HPSE2: variants seen among roughly 807,000 people sequenced by gnomAD.
The protein encoded by HPSE2 is inactive heparanase-2.
In HPSE2, 38 loss-of-function variants were observed where a neutral mutation model predicts 60.5. The ratio of observed to expected loss-of-function variants is 0.63; its 90% CI spans 0.48 to 0.82. HPSE2 has a LOEUF of 0.82. Among genes scored for constraint, HPSE2 ranks in the 40% least tolerant of loss-of-function variants. HPSE2 has a pLI of 0.00. For synonymous variants in HPSE2, 295 were observed against 293.2 expected (o/e 1.01, Z -0.06); for missense variants, 713 against 740.4 (o/e 0.96, Z 0.43).
Position 98,526,953 on chromosome 10 carries a change from G to T in HPSE2, c.1321-36757C>A, listed in dbSNP as rs985708748. Among the ~76,000 whole-genome samples, 10 of 152,048 alleles carry T rather than the reference G, an allele frequency of 6.6e-5. No individual in the cohort carries two copies. The East Asian group carries it at 1.7e-3, about 26-fold the overall frequency. Reference sequence around the variant, plus strand: ...GAGGGGCAAAAACTTTTTTTTAAAGGGACCTCAAACCCACTCGGGTTTGTG... The same window carrying T: ...GAGGGGCAAAAACTTTTTTTTAAAGTGACCTCAAACCCACTCGGGTTTGTG... On this transcript the variant is annotated intron_variant, in intron 9 of 11. Coordinates refer to ENST00000370552, the MANE Select transcript of HPSE2 (RefSeq NM_021828.5).
intron 4 of HPSE2, 116 bp downstream of exon 4, chr10:98,743,767 T>C: frequency 1.1e-6 from 1 of 952,184 alleles, no homozygotes. Flanking sequence ...TGGCCAAACA[T>C]CACAAACGTT....
chr10:98,823,051 G>T (rs981920086), intron 3 of HPSE2, among the ~76,000 whole-genome samples: 1 of 152,160 alleles, frequency 6.6e-6, no homozygotes, highest in Admixed American at 6.5e-5. Flanking sequence ...GCAGCAGAGG[G>T]ACAGAGAGAA....
chr10:99,298,977 C>T, the HPSE2 span, among the ~76,000 whole-genome samples: 5 of 152,110 alleles, frequency 3.3e-5, no homozygotes, highest in African/African-American at 1.2e-4. Flanking sequence ...CCAGCCTATA[C>T]AGGTTTTTAT....
chr10:99,266,545 T>C, the HPSE2 span, among the ~76,000 whole-genome samples: 2 of 152,102 alleles, frequency 1.3e-5, no homozygotes, highest in Non-Finnish European at 2.9e-5. Context: ...CCCCACGTGA[T>C]GGTCTTTCTC....
Position 98,919,906 on chromosome 10 carries a change from C to T in HPSE2, c.611-175850G>A, listed in dbSNP as rs936360795. Among the ~76,000 whole-genome samples the T allele has an allele frequency of 3.3e-5, 5 of 152,124 alleles. 1 individual carries two copies. ...GAAAGTCACTTCTTGTTTCACTTGACATTAGCAGTAAATTGGAAGAAAGTA... is the reference window on the plus strand; with the variant it reads ...GAAAGTCACTTCTTGTTTCACTTGATATTAGCAGTAAATTGGAAGAAAGTA... On this transcript the variant is annotated intron_variant, in intron 3 of 11. Coordinates refer to ENST00000370552, the MANE Select transcript of HPSE2 (RefSeq NM_021828.5).
intron 3 of HPSE2, among the ~76,000 whole-genome samples, chr10:99,104,375 C>A (rs1046818229): frequency 2.0e-5 from 3 of 152,124 alleles, no homozygotes; most frequent in Admixed American, 6.5e-5. Flanking sequence ...CCATCTCACA[C>A]CAGTTAGAAT....
intron 3 of HPSE2, among the ~76,000 whole-genome samples, chr10:99,034,247 A>G (rs1428191026): frequency 6.6e-6 from 1 of 152,230 alleles, no homozygotes; most frequent in Admixed American, 6.5e-5. Flanking sequence ...GTTGTATTGT[A>G]TATATACAAA....
intron 6 of HPSE2, among the ~76,000 whole-genome samples, chr10:98,651,343 C>T (rs1047110397): frequency 3.9e-5 from 6 of 152,124 alleles, no homozygotes; most frequent in South Asian, 2.1e-4. Flanking sequence ...ATGCAAATCA[C>T]ATCAGGACCA....
intron 6 of HPSE2, among the ~76,000 whole-genome samples, chr10:98,672,263 C>T (rs1320749703): frequency 6.6e-6 from 1 of 152,044 alleles, no homozygotes; most frequent in African/African-American, 2.4e-5. Context: ...ACCTTCATAC[C>T]AAAATACGAG....
chr10:98,981,571 T>C (rs1956207350), intron 3 of HPSE2, among the ~76,000 whole-genome samples: 1 of 152,184 alleles, frequency 6.6e-6, no homozygotes, highest in Non-Finnish European at 1.5e-5. Context: ...CTTCTCCTTG[T>C]TCTGTCTCCA....
At chr10:99,166,972 A>G (rs995461242) in intron 2 of HPSE2, among the ~76,000 whole-genome samples, 1 of 151,392 alleles carries the variant, frequency 6.6e-6, no homozygotes, top group African/African-American at 2.4e-5. Context: ...TTTATGGATC[A>G]TACTTTCTTT....
At chr10:99,148,855 T>C (rs1389909572) in intron 2 of HPSE2, among the ~76,000 whole-genome samples, 1 of 151,884 alleles carries the variant, frequency 6.6e-6, no homozygotes, top group African/African-American at 2.4e-5. Context: ...TCAATGGACT[T>C]TGGGGACTCA....
In HPSE2 at chr10:98,565,922, A is replaced by G. The variant is rs1294513068; in HGVS notation, c.1320+48982T>C. Among the ~76,000 whole-genome samples the G allele has an allele frequency of 2.0e-5, 3 of 152,192 alleles. No homozygotes were observed. The East Asian group carries it at 5.8e-4, about 29-fold the overall frequency. Reference sequence around the variant, plus strand: ...CACCAAGAGGTAGAGAGAGAGAGAGAGCATATCAGCCAAGGCTCTACAGCC... The same window carrying G: ...CACCAAGAGGTAGAGAGAGAGAGAGGGCATATCAGCCAAGGCTCTACAGCC... On this transcript the variant is annotated intron_variant, in intron 9 of 11. Coordinates refer to ENST00000370552, the MANE Select transcript of HPSE2 (RefSeq NM_021828.5).
At chr10:99,069,445 T>A (rs1019431658) in intron 3 of HPSE2, among the ~76,000 whole-genome samples, 2 of 152,028 alleles carry the variant, frequency 1.3e-5, no homozygotes, top group African/African-American at 4.8e-5. Flanking sequence ...AGATTTTGGA[T>A]GTGCTTATTT....
intron 3 of HPSE2, among the ~76,000 whole-genome samples, chr10:99,122,440 A>G (rs915887917): frequency 1.3e-5 from 2 of 152,002 alleles, no homozygotes; most frequent in African/African-American, 4.8e-5. Context: ...ATGAAACACA[A>G]AACACTCTAT....
intron 2 of HPSE2, among the ~76,000 whole-genome samples, chr10:99,217,986 A>G (rs980660067): frequency 6.6e-6 from 1 of 152,124 alleles, no homozygotes; most frequent in Admixed American, 6.5e-5. Flanking sequence ...GACAATTAAT[A>G]GTAGCTGCCT....
intron 3 of HPSE2, among the ~76,000 whole-genome samples, chr10:99,066,286 T>C (rs969214361): frequency 3.3e-5 from 5 of 152,210 alleles, no homozygotes; most frequent in Admixed American, 6.5e-5. Flanking sequence ...GGGACATTTA[T>C]AGTTTTAAAT....
chr10:99,305,977 G>GCACACACACACACACACACACACACACA, the HPSE2 span, among the ~76,000 whole-genome samples: 41 of 53,712 alleles, frequency 7.6e-4, 1 homozygote, highest in African/African-American at 2.1e-3. Context: ...GCGCGCGCGC[G>GCACACACACACACACACACACACACACA]CGCACACACA....
At chr10:99,137,846 C>G (rs911717480) in intron 3 of HPSE2, among the ~76,000 whole-genome samples, 1 of 152,122 alleles carries the variant, frequency 6.6e-6, no homozygotes, top group Non-Finnish European at 1.5e-5. Context: ...GACTTCATGT[C>G]TAAAACACGA....
Sources: allele counts gnomAD v4.1 joint callset (sites outside exome capture counted in the v4.1 genomes callset), GRCh38; gene constraint gnomAD v4.1.1; transcripts MANE v1.5; gene names NCBI Gene and HGNC (gene_info 2026-07-23, HGNC 2026-07-21).